The following DGKB variants were observed in gnomAD, a reference collection of about 807,000 sequenced individuals.
The protein encoded by DGKB is diacylglycerol kinase beta, also known as 90 kDa diacylglycerol kinase.
In DGKB, 67 loss-of-function variants were observed where a neutral mutation model predicts 114.3. That is an observed-to-expected ratio of 0.59 (90% CI 0.48 to 0.72). DGKB has a LOEUF of 0.72. Among genes scored for constraint, DGKB ranks in the 30% least tolerant of loss-of-function variants. The probability of loss-of-function intolerance (pLI) is 0.00; values close to 1 mark genes in which losing one functional copy is unlikely to be tolerated. For missense variants in DGKB, 907 were observed against 975.2 expected (o/e 0.93, Z 0.93); for synonymous variants, 398 against 323.1 (o/e 1.23, Z -2.49).
At chr7:14,674,123 A>G (rs1159204051) in intron 12 of DGKB, among the ~76,000 whole-genome samples, 1 of 152,162 alleles carries the variant, frequency 6.6e-6, no homozygotes, top group East Asian at 1.9e-4. Context: ...CACTGCTGTC[A>G]TGCTAACTCC....
intron 21 of DGKB, among the ~76,000 whole-genome samples, chr7:14,395,817 G>A (rs1822126913): frequency 6.6e-6 from 1 of 151,762 alleles, no homozygotes; most frequent in African/African-American, 2.4e-5. Flanking sequence ...AAAAATTCTT[G>A]AACATCTATA....
intron 20 of DGKB, among the ~76,000 whole-genome samples, chr7:14,488,731 G>A (rs1784180067): frequency 6.6e-6 from 1 of 151,382 alleles, no homozygotes; most frequent in Non-Finnish European, 1.5e-5. Flanking sequence ...GGGAGGCTGA[G>A]GCAGGAGAAT....
At chr7:14,363,840 A>C (rs1816180279) in intron 21 of DGKB, among the ~76,000 whole-genome samples, 1 of 152,044 alleles carries the variant, frequency 6.6e-6, no homozygotes, top group Non-Finnish European at 1.5e-5. Flanking sequence ...TCATATCTAC[A>C]CTCTTAGAGT....
At chr7:14,923,806 C>A (rs1396200580) in intron 1 of DGKB, among the ~76,000 whole-genome samples, 2 of 151,896 alleles carry the variant, frequency 1.3e-5, no homozygotes, top group East Asian at 3.9e-4. Flanking sequence ...ACAAGCCTGG[C>A]CAACATGAGG....
chr7:14,506,249 A>T (rs979064786), intron 20 of DGKB, among the ~76,000 whole-genome samples: 3 of 152,164 alleles, frequency 2.0e-5, no homozygotes, highest in African/African-American at 4.8e-5. Context: ...ACTCACCCAC[A>T]TAAAGGATGT....
chr7:14,209,420 T>C (rs779558931), intron 23 of DGKB: 11 of 470,154 alleles, frequency 2.3e-5, no homozygotes, highest in Non-Finnish European at 4.4e-5. Flanking sequence ...GGATGCCCTT[T>C]CTCCACTTCA....
At chr7:14,511,056 G>C in intron 20 of DGKB, among the ~76,000 whole-genome samples, 1 of 152,130 alleles carries the variant, frequency 6.6e-6, no homozygotes, top group South Asian at 2.1e-4. Context: ...TGATTATTAA[G>C]GGTCCTAGGA....
intron 17 of DGKB, among the ~76,000 whole-genome samples, chr7:14,599,548 C>G (rs1343168417): frequency 7.2e-5 from 11 of 152,322 alleles, no homozygotes; most frequent in African/African-American, 2.2e-4. Context: ...TCTTCTCCAC[C>G]TCATTTAAAA....
intron 20 of DGKB, among the ~76,000 whole-genome samples, chr7:14,557,142 A>G (rs534383352): frequency 2.6e-5 from 4 of 152,310 alleles, no homozygotes; most frequent in Admixed American, 6.5e-5. Flanking sequence ...TCTGCATTTT[A>G]ACAAGCCCCT....
intron 23 of DGKB, among the ~76,000 whole-genome samples, chr7:14,280,365 A>G (rs2128452847): frequency 6.6e-6 from 1 of 152,236 alleles, no homozygotes; most frequent in Non-Finnish European, 1.5e-5. Flanking sequence ...CTATGTGAAA[A>G]GACCAAATCT....
At chr7:14,465,292 T>A (rs1213672033) in intron 21 of DGKB, among the ~76,000 whole-genome samples, 1 of 152,030 alleles carries the variant, frequency 6.6e-6, no homozygotes, top group East Asian at 1.9e-4. Context: ...TATAGAACTA[T>A]AATAAATATT....
chr7:14,667,751 G>T (rs1818286034), intron 13 of DGKB, among the ~76,000 whole-genome samples: 1 of 152,104 alleles, frequency 6.6e-6, no homozygotes, highest in South Asian at 2.1e-4. Context: ...GGGCAGAACA[G>T]TTTCATTAAT....
At chr7:14,952,418 A>T (rs1325263107) in intron 1 of DGKB, among the ~76,000 whole-genome samples, 2 of 152,030 alleles carry the variant, frequency 1.3e-5, no homozygotes, top group East Asian at 3.9e-4. Context: ...TCCCAAATTG[A>T]TCTACAGAAT....
At chr7:14,389,849 CCT>C (rs1256721348) in intron 21 of DGKB, among the ~76,000 whole-genome samples, 1 of 152,166 alleles carries the variant, frequency 6.6e-6, no homozygotes, top group Non-Finnish European at 1.5e-5. Flanking sequence ...AGCCTATAAT[CCT>C]CTGAGAGGAA....
intron 21 of DGKB, among the ~76,000 whole-genome samples, chr7:14,427,897 A>G (rs1309486887): frequency 6.6e-6 from 1 of 151,912 alleles, no homozygotes; most frequent in Admixed American, 6.6e-5. Flanking sequence ...GCCCTATAAA[A>G]CTGTAGATTC....
At chr7:14,526,949 T>C (rs1377634619) in intron 20 of DGKB, among the ~76,000 whole-genome samples, 1 of 152,148 alleles carries the variant, frequency 6.6e-6, no homozygotes, top group African/African-American at 2.4e-5. Flanking sequence ...CCTATATGCT[T>C]ACAAATCCTA....
At chr7:14,784,150 CT>C (rs567678689) in intron 2 of DGKB, among the ~76,000 whole-genome samples, 6 of 150,478 alleles carry the variant, frequency 4.0e-5, no homozygotes, top group South Asian at 2.1e-4. Context: ...TATATATTGC[CT>C]TTTTTTTTAC....
At chr7:14,478,556 G>C (rs141835306) in intron 20 of DGKB, among the ~76,000 whole-genome samples, 168 of 152,218 alleles carry the variant, frequency 1.1e-3, no homozygotes, top group African/African-American at 3.9e-3. Context: ...GCACATATGA[G>C]TGTAAATGTC....
At chr7:14,249,534 C>T (rs549719546) in intron 23 of DGKB, among the ~76,000 whole-genome samples, 1 of 151,946 alleles carries the variant, frequency 6.6e-6, no homozygotes, top group African/African-American at 2.4e-5. Flanking sequence ...TTGGTCTGTT[C>T]GAATTTTCTA....
Sources: gnomAD v4.1 joint callset for allele counts (sites outside exome capture counted in the v4.1 genomes callset) on GRCh38, gnomAD v4.1.1 for gene constraint, MANE v1.5 for transcripts, NCBI Gene and HGNC (gene_info 2026-07-23, HGNC 2026-07-21) for gene names.